CEP89: variants seen among roughly 807,000 people sequenced by gnomAD.
The protein encoded by CEP89 is centrosomal protein 89, also known as centrosomal protein of 89 kDa.
CEP89 carries 95 observed loss-of-function variants against 97.6 expected under a neutral mutation model. The ratio of observed to expected loss-of-function variants is 0.97; its 90% CI spans 0.82 to 1.15. The LOEUF (loss-of-function observed/expected upper bound fraction) is 1.15, where lower values mean the gene tolerates loss of function less well. Among genes scored for constraint, CEP89 ranks in the 50% most tolerant of loss-of-function variants. CEP89 has a pLI of 0.00. For synonymous variants in CEP89, 354 were observed against 349.1 expected, an observed-to-expected ratio of 1.01 and a Z score of -0.16; for missense variants, 869 against 947.7, an observed-to-expected ratio of 0.92 and a Z score of 1.09.
intron 14 of CEP89, among the ~76,000 whole-genome samples, chr19:32,903,776 G>A (rs530996704): frequency 1.3e-5 from 2 of 152,274 alleles, no homozygotes; most frequent in South Asian, 2.1e-4. Context: ...AGAAGAGACC[G>A]TTCAAGAAAT....
In CEP89 at chr19:32,933,555, A is replaced by C. The variant is rs772485931; in HGVS notation, c.782T>G (p.Leu261Arg). ...NNMNQSLTLE[L>R]NTMKQAMKEL... ...TTTCATTGCTTGTTTCATTGTGTTT[A>C]GTTCAAGGGTAAGGCTTTGATTCAT... Residue 261 changes from leucine to arginine, a missense_variant, in exon 8 of 19, where the codon CTA becomes CGA. Coordinates refer to ENST00000305768, the MANE Select transcript of CEP89 (RefSeq NM_032816.5). The C allele has an allele frequency of 2.5e-6, 4 of 1,613,312 alleles. No individual in the cohort carries two copies. Among genetic ancestry groups the C allele is most frequent in the Admixed American group, 1.7e-5 (1 of 59,986 alleles).
chr19:32,913,253 A>C (rs1220933520), intron 14 of CEP89, among the ~76,000 whole-genome samples: 2 of 150,294 alleles, frequency 1.3e-5, no homozygotes, highest in Non-Finnish European at 3.0e-5. Flanking sequence ...ATACACACAC[A>C]TACAAGATTC....
intron 1 of CEP89, among the ~76,000 whole-genome samples, chr19:32,968,408 C>G (rs893947187): frequency 6.6e-6 from 1 of 152,154 alleles, no homozygotes; most frequent in African/African-American, 2.4e-5. Context: ...GCCAACATGC[C>G]TAGCTAATTT....
At chr19:32,962,085 C>T (rs1211676061) in intron 2 of CEP89, among the ~76,000 whole-genome samples, 1 of 151,570 alleles carries the variant, frequency 6.6e-6, no homozygotes, top group Non-Finnish European at 1.5e-5. Context: ...ATACCTTACA[C>T]ACTGATATGG....
chr19:32,910,237 C>T (rs1404826872), intron 14 of CEP89, among the ~76,000 whole-genome samples: 1 of 145,624 alleles, frequency 6.9e-6, no homozygotes. Context: ...CTATTCCAGC[C>T]CCTGGGTGAC....
At chr19:32,889,816 C>T (rs1361843324) in intron 16 of CEP89, among the ~76,000 whole-genome samples, 1 of 152,082 alleles carries the variant, frequency 6.6e-6, no homozygotes, top group African/African-American at 2.4e-5. Context: ...AGGGTTTGTT[C>T]GGCCCTTTAG....
At chr19:32,879,983 T>C (rs1969247288) in intron 18 of CEP89, among the ~76,000 whole-genome samples, 1 of 152,198 alleles carries the variant, frequency 6.6e-6, no homozygotes, top group East Asian at 1.9e-4. Flanking sequence ...CTGGCCCATG[T>C]GCCGGGATGG....
At chr19:32,890,190 G>C (rs980601510) in intron 16 of CEP89, among the ~76,000 whole-genome samples, 1 of 152,168 alleles carries the variant, frequency 6.6e-6, no homozygotes. Context: ...ACAAAGTCAG[G>C]AGATCGAGAC....
At chr19:32,940,976 G>A (rs1285949270) in intron 5 of CEP89, among the ~76,000 whole-genome samples, 1 of 151,964 alleles carries the variant, frequency 6.6e-6, no homozygotes, top group Non-Finnish European at 1.5e-5. Context: ...GGCCAGGCTG[G>A]TCTTGAACTC....
chr19:32,942,849 C>CTTTTTTTTTTTTT (rs757161677), intron 5 of CEP89, among the ~76,000 whole-genome samples: 1 of 136,370 alleles, frequency 7.3e-6, no homozygotes. Flanking sequence ...CTATTCCAGT[C>CTTTTTTTTTTTTT]TTTTTTTTTT....
intron 4 of CEP89, among the ~76,000 whole-genome samples, chr19:32,951,930 T>A (rs749086304): frequency 6.6e-6 from 1 of 152,082 alleles, no homozygotes; most frequent in Non-Finnish European, 1.5e-5. Context: ...TATGACTCTA[T>A]GTGTAACATC....
At chr19:32,941,373 C>T (rs1485138934) in intron 5 of CEP89, among the ~76,000 whole-genome samples, 1 of 152,000 alleles carries the variant, frequency 6.6e-6, no homozygotes, top group Admixed American at 6.6e-5. Flanking sequence ...CATGGTGGCA[C>T]TTGCCTGTAA....
rs1971423749 is a variant in CEP89 at position 32,971,918 on chromosome 19, C to T, written c.-44G>A. 2.6e-6 allele frequency: 4 copies of T among 1,564,416 alleles called. No individual in the cohort carries two copies. The highest frequency in any genetic ancestry group is 2.6e-6 in the Non-Finnish European group (3 of 1,152,860). On this transcript the variant is annotated 5_prime_UTR_variant, in exon 1 of 19. Transcript: ENST00000305768. ...ATGGACCGGGGCCTGGACTCATCAGCAGATCTATCCACAGCCAGGGACCAC... is the reference window on the plus strand; with the variant it reads ...ATGGACCGGGGCCTGGACTCATCAGTAGATCTATCCACAGCCAGGGACCAC...
At chr19:32,935,612 G>T (rs776688711) in intron 7 of CEP89, among the ~76,000 whole-genome samples, 1 of 152,206 alleles carries the variant, frequency 6.6e-6, no homozygotes, top group Non-Finnish European at 1.5e-5. Context: ...TTGAAAGGGT[G>T]CAAATAAAGT....
intron 2 of CEP89, 27 bp from the exon 3 acceptor site, chr19:32,960,085 C>T (rs1971135486): frequency 6.2e-7 from 1 of 1,613,126 alleles, no homozygotes. Flanking sequence ...CCCATGGAGA[C>T]AGTGAGACAT....
intron 9 of CEP89, among the ~76,000 whole-genome samples, chr19:32,928,959 T>G (rs1970416185): frequency 6.6e-6 from 1 of 152,210 alleles, no homozygotes; most frequent in South Asian, 2.1e-4. Context: ...CTGTTCGACA[T>G]CTGTAAACAT....
intron 9 of CEP89, among the ~76,000 whole-genome samples, chr19:32,930,578 C>T (rs984253248): frequency 4.5e-4 from 68 of 152,224 alleles, no homozygotes; most frequent in Admixed American, 1.1e-3. Context: ...TGCCTTCCCG[C>T]CTTCTACCCC....
chr19:32,917,438 TGCC>T (rs1480700641), intron 13 of CEP89, among the ~76,000 whole-genome samples: 1 of 152,194 alleles, frequency 6.6e-6, no homozygotes, highest in African/African-American at 2.4e-5. Flanking sequence ...TTCATGGACC[TGCC>T]ATGCTGTGGA....
chr19:32,924,076 G>T (rs1240079437), intron 11 of CEP89, among the ~76,000 whole-genome samples: 1 of 148,368 alleles, frequency 6.7e-6, no homozygotes, highest in Non-Finnish European at 1.5e-5. Context: ...TGCAATCACA[G>T]CTCACTGCAG....
Sources: allele counts gnomAD v4.1 joint callset (sites outside exome capture counted in the v4.1 genomes callset), GRCh38; gene constraint gnomAD v4.1.1; transcripts MANE v1.5; gene names NCBI Gene and HGNC (gene_info 2026-07-23, HGNC 2026-07-21).